Variants in EPC2 observed in about 807,000 individuals in gnomAD.
EPC2 encodes the protein enhancer of polycomb homolog 2.
A neutral mutation model predicts 92.1 loss-of-function variants in EPC2; 14 were observed. The observed-to-expected ratio is 0.15, with a 90% CI of 0.10 to 0.24. The LOEUF (loss-of-function observed/expected upper bound fraction) is 0.24, where lower values mean the gene tolerates loss of function less well. Among genes scored for constraint, EPC2 ranks in the 10% least tolerant of loss-of-function variants. EPC2 has a pLI of 1.00. For synonymous variants in EPC2, 340 were observed against 334.7 expected (o/e 1.02, Z -0.17); for missense variants, 755 against 971.5 (o/e 0.78, Z 2.96).
At chr2:148,731,950 T>A (rs1312289809) in intron 2 of EPC2, among the ~76,000 whole-genome samples, 1 of 152,240 alleles carries the variant, frequency 6.6e-6, no homozygotes, top group Non-Finnish European at 1.5e-5. Flanking sequence ...GTGGGAAAAG[T>A]ACTGAGCTCA....
chr2:148,753,553 C>G (rs1333167130), intron 3 of EPC2, among the ~76,000 whole-genome samples: 1 of 152,078 alleles, frequency 6.6e-6, no homozygotes, highest in Non-Finnish European at 1.5e-5. Context: ...AACAAACAAG[C>G]TATTAGACTT....
intron 4 of EPC2, among the ~76,000 whole-genome samples, chr2:148,756,980 G>A (rs1683202034): frequency 6.6e-6 from 1 of 152,228 alleles, no homozygotes; most frequent in Non-Finnish European, 1.5e-5. Flanking sequence ...AGCAGAGACG[G>A]TTGTGAGAAG....
chr2:148,645,327 T>A, intron 1 of EPC2, 157 bp downstream of exon 1: 1 of 627,716 alleles, frequency 1.6e-6, no homozygotes, highest in Non-Finnish European at 2.6e-6. Context: ...GTAAACCCTC[T>A]CGGCCGGCGT....
intron 2 of EPC2, among the ~76,000 whole-genome samples, chr2:148,699,468 G>A (rs1415298470): frequency 6.6e-6 from 1 of 152,278 alleles, no homozygotes; most frequent in East Asian, 1.9e-4. Context: ...GGCAACCACT[G>A]ATCTTTTTGT....
intron 2 of EPC2, among the ~76,000 whole-genome samples, chr2:148,691,301 T>C (rs1386921160): frequency 1.3e-5 from 2 of 152,166 alleles, no homozygotes; most frequent in Non-Finnish European, 2.9e-5. Flanking sequence ...TTGTCAGGTG[T>C]GTAAAAAAGA....
At chr2:148,719,631 C>T (rs1322403327) in intron 2 of EPC2, among the ~76,000 whole-genome samples, 1 of 152,202 alleles carries the variant, frequency 6.6e-6, no homozygotes, top group Non-Finnish European at 1.5e-5. Flanking sequence ...CAGGAGGGTG[C>T]TGACCTATTG....
chr2:148,655,700 G>T (rs1680779086), intron 1 of EPC2, among the ~76,000 whole-genome samples: 1 of 152,090 alleles, frequency 6.6e-6, no homozygotes, highest in African/African-American at 2.4e-5. Flanking sequence ...CCTACGACCT[G>T]AGGTTCAGAA....
intron 2 of EPC2, among the ~76,000 whole-genome samples, chr2:148,710,756 A>G (rs528709096): frequency 6.6e-6 from 1 of 152,292 alleles, no homozygotes; most frequent in South Asian, 2.1e-4. Flanking sequence ...GCAAAAAACC[A>G]AACACCGCAT....
At chr2:148,765,666 C>T (rs919032565) in intron 7 of EPC2, among the ~76,000 whole-genome samples, 1 of 152,168 alleles carries the variant, frequency 6.6e-6, no homozygotes, top group African/African-American at 2.4e-5. Flanking sequence ...AATATTGCAA[C>T]AGCTTTATAG....
intron 1 of EPC2, among the ~76,000 whole-genome samples, chr2:148,652,296 G>T (rs1173044034): frequency 6.6e-6 from 1 of 152,180 alleles, no homozygotes; most frequent in Non-Finnish European, 1.5e-5. Flanking sequence ...TCCATGATTT[G>T]TCCCAAGGTG....
Position 148,645,056 on chromosome 2 carries a change from C to T in EPC2, c.39C>T (p.Ala13=). The T allele has an allele frequency of 1.3e-6, 2 of 1,570,744 alleles. No individual in the cohort carries two copies. The highest frequency in any genetic ancestry group is 2.3e-5 in the South Asian group (2 of 85,942). Residue 13 remains alanine, a synonymous_variant, in exon 1 of 14, where the codon GCC becomes GCT. Coordinates refer to ENST00000258484, the MANE Select transcript of EPC2 (RefSeq NM_015630.4). ...CCTTCCGAGCGCGGGCGCTGGACGC[C>T]GCCAAGCCGCTGCCTATCTACCGCG... is the stretch of plus-strand genomic sequence containing the variant. The part of the protein sequence containing the change: ...KLSFRARALD[A]AKPLPIYRGK...
At position 148,644,781 on chromosome 2, in the gene EPC2, G is replaced by A. The variant is rs891383006; in HGVS notation, c.-237G>A. 3 of 440,932 alleles carry A rather than the reference G, an allele frequency of 6.8e-6. No homozygotes were observed. Among genetic ancestry groups the A allele is most frequent in the Admixed American group, 4.7e-5 (1 of 21,226 alleles). The allele number at this position is 440,932 out of a possible 1,614,324, so 27.3% of individuals were successfully genotyped here. On this transcript the variant is annotated 5_prime_UTR_variant, in exon 1 of 14. Coordinates refer to ENST00000258484, the MANE Select transcript of EPC2 (RefSeq NM_015630.4). ...TGTCCGCCATGTTGGCCATGGCGCA[G>A]GGAGCGGATCGGGCGGGCGAGCGGC...
rs1230254810 is a variant in EPC2 at position 148,753,999 on chromosome 2, T to C, written c.532T>C (p.Trp178Arg). The change falls in exon 4 of 14, where the codon TGG becomes CGG. Residue 178 changes from tryptophan to arginine, a missense_variant. Trp to Arg is a moderately radical substitution (Grantham distance 101). Around this residue, in one of 4 missense-constraint regions of EPC2, gnomAD observed 509 missense variants for 607.7 expected, o/e 0.84. Coordinates refer to ENST00000258484, the MANE Select transcript of EPC2 (RefSeq NM_015630.4). ...CCTTATTAAAGCTGTATATGACTAC[T>C]GGGTGAGAAAACGTAAAAACTGCAG... The part of the protein sequence containing the change: ...DYLIKAVYDY[W>R]VRKRKNCRGP... 6.2e-7 allele frequency: 1 copy of C among 1,612,270 alleles called. No individual in the cohort carries two copies. Among genetic ancestry groups the C allele is most frequent in the Non-Finnish European group, 8.5e-7 (1 of 1,179,170 alleles).
At chr2:148,726,264 G>A (rs1198873733) in intron 2 of EPC2, among the ~76,000 whole-genome samples, 1 of 152,158 alleles carries the variant, frequency 6.6e-6, no homozygotes, top group Non-Finnish European at 1.5e-5. Flanking sequence ...CATGGATGTG[G>A]ACACGTCTCT....
At chr2:148,752,478 T>G (rs1045672418) in intron 3 of EPC2, among the ~76,000 whole-genome samples, 4 of 152,142 alleles carry the variant, frequency 2.6e-5, no homozygotes, top group African/African-American at 9.7e-5. Flanking sequence ...GAAATACTGG[T>G]TCTTATGGTG....
At chr2:148,739,584 G>A (rs1256266357) in intron 2 of EPC2, among the ~76,000 whole-genome samples, 1 of 152,046 alleles carries the variant, frequency 6.6e-6, no homozygotes, top group African/African-American at 2.4e-5. Flanking sequence ...GCTATAACCA[G>A]TCAATGTGTG....
chr2:148,777,485 T>C (rs1368654937), intron 10 of EPC2, among the ~76,000 whole-genome samples: 1 of 152,020 alleles, frequency 6.6e-6, no homozygotes, highest in Admixed American at 6.6e-5. Flanking sequence ...AGATCCAGAG[T>C]GTATTTCTGT....
In EPC2 at chr2:148,713,314, C is replaced by G. The variant is rs73020818; in HGVS notation, c.313+22941C>G. On this transcript the variant is annotated intron_variant, in intron 2 of 13. Coordinates refer to ENST00000258484, the MANE Select transcript of EPC2 (RefSeq NM_015630.4). ...GATCATGACCCAGTGTAGGCCTAGG[C>G]TAATGGGTGTGTTTATGTCTTAGTT... is the stretch of plus-strand genomic sequence containing the variant. Among the ~76,000 whole-genome samples, 1,517 of 151,992 alleles carry G rather than the reference C, an allele frequency of 1.0e-2. 25 individuals carry two copies. Among genetic ancestry groups the G allele is most frequent in the African/African-American group, 0.034 (1,422 of 41,428 alleles).
intron 2 of EPC2, among the ~76,000 whole-genome samples, chr2:148,697,890 A>G (rs1489765951): frequency 3.3e-5 from 5 of 152,198 alleles, no homozygotes; most frequent in African/African-American, 1.2e-4. Flanking sequence ...GAATAAAGAG[A>G]GGCCCAAATT....
Sources: gnomAD v4.1 joint callset for allele counts (sites outside exome capture counted in the v4.1 genomes callset) on GRCh38, gnomAD v4.1.1 for gene constraint, gnomAD v4.1.1 regional missense constraint, MANE v1.5 for transcripts, NCBI Gene and HGNC (gene_info 2026-07-23, HGNC 2026-07-21) for gene names.